The following PTPRT variants were observed in gnomAD, a reference collection of about 807,000 sequenced individuals.
PTPRT encodes the protein protein tyrosine phosphatase receptor type T.
In PTPRT, 56 loss-of-function variants were observed where a neutral mutation model predicts 176.8. The observed-to-expected ratio is 0.32, with a 90% CI of 0.26 to 0.40. The LOEUF is 0.40. PTPRT is among the 10% of genes least tolerant of loss of function. The pLI is 1.00. For missense variants in PTPRT, 1,540 were observed against 1,908.2 expected (o/e 0.81, Z 3.60); for synonymous variants, 783 against 739.0 (o/e 1.06, Z -0.96).
chr20:42,767,379 C>T (rs1211121891), intron 5 of PTPRT, among the ~76,000 whole-genome samples: 2 of 152,012 alleles, frequency 1.3e-5, no homozygotes, highest in African/African-American at 4.8e-5. Context: ...TGCCCCTTTG[C>T]CTCCTCCCTG....
chr20:43,092,987 C>T (rs1337575797), intron 1 of PTPRT, among the ~76,000 whole-genome samples: 1 of 152,164 alleles, frequency 6.6e-6, no homozygotes, highest in Admixed American at 6.5e-5. Context: ...ACAATGATTA[C>T]ACTGTACATT....
In PTPRT at chr20:42,288,214, C is replaced by T. The variant is rs559878266; in HGVS notation, c.2140-5689G>A. Among the ~76,000 whole-genome samples the T allele has an allele frequency of 2.0e-5, 3 of 152,090 alleles. No homozygotes were observed. In the South Asian group the frequency reaches 6.2e-4, roughly 32 times the overall value. On this transcript the variant is annotated intron_variant, in intron 12 of 30. Coordinates refer to ENST00000373187, the MANE Select transcript of PTPRT (RefSeq NM_007050.6). ...CCCAGATCAAAACACTCAACATTGC[C>T]AGCACCTCAGAAGTTTCCCTCATGC...
intron 1 of PTPRT, among the ~76,000 whole-genome samples, chr20:42,892,546 T>G (rs1253035058): frequency 6.6e-6 from 1 of 152,084 alleles, no homozygotes; most frequent in African/African-American, 2.4e-5. Flanking sequence ...TGCCTTTACT[T>G]GCCCTCCGTG....
chr20:42,744,744 C>CCCT (rs1397558207), intron 6 of PTPRT, among the ~76,000 whole-genome samples: 1 of 152,222 alleles, frequency 6.6e-6, no homozygotes, highest in East Asian at 1.9e-4. Flanking sequence ...TTTGACTCTC[C>CCCT]CCTCACCTTG....
chr20:42,931,074 T>A (rs966005610), intron 1 of PTPRT, among the ~76,000 whole-genome samples: 1 of 152,106 alleles, frequency 6.6e-6, no homozygotes, highest in African/African-American at 2.4e-5. Context: ...TAACTTTGGG[T>A]GCCAAGCTCT....
intron 1 of PTPRT, among the ~76,000 whole-genome samples, chr20:43,070,062 A>C (rs890461982): frequency 6.6e-6 from 1 of 152,160 alleles, no homozygotes; most frequent in African/African-American, 2.4e-5. Flanking sequence ...AATCTGACCT[A>C]CAGATGTATT....
chr20:42,788,381 A>ACT (rs1377150004), intron 3 of PTPRT, among the ~76,000 whole-genome samples: 4 of 151,730 alleles, frequency 2.6e-5, no homozygotes, highest in Admixed American at 2.6e-4. Context: ...CCAAGAATTT[A>ACT]CTCTCTCTTT....
chr20:42,389,282 A>G (rs1465095045), intron 9 of PTPRT, among the ~76,000 whole-genome samples: 12 of 152,166 alleles, frequency 7.9e-5, no homozygotes, highest in Admixed American at 6.5e-5. Context: ...TAAAAAAAAA[A>G]AGAAACGTGA....
chr20:42,366,330 C>T (rs2058513599), intron 9 of PTPRT, among the ~76,000 whole-genome samples: 1 of 152,218 alleles, frequency 6.6e-6, no homozygotes, highest in Non-Finnish European at 1.5e-5. Flanking sequence ...TTTCCAACTC[C>T]TCCCAGACCC....
At chr20:42,042,082 C>A in the PTPRT span, among the ~76,000 whole-genome samples, 1 of 152,188 alleles carries the variant, frequency 6.6e-6, no homozygotes, top group African/African-American at 2.4e-5. Flanking sequence ...CCCATGGCTT[C>A]ATCCAGCTAT....
At chr20:42,532,906 G>A (rs1568955999) in intron 7 of PTPRT, among the ~76,000 whole-genome samples, 1 of 152,086 alleles carries the variant, frequency 6.6e-6, no homozygotes, top group African/African-American at 2.4e-5. Context: ...CAATAAAGAT[G>A]CCCCACTGAG....
In PTPRT at chr20:42,932,323, T is replaced by C. The variant is rs571801077; in HGVS notation, c.89-46391A>G. ...ACTTCTCAAGGGGGCATGTGCCTGG[T>C]CTAGACCAAGAGATCAGGGTCTGGC... On this transcript the variant is annotated intron_variant, in intron 1 of 30. Transcript: ENST00000373187. 2.6e-5 allele frequency among the ~76,000 whole-genome samples: 4 copies of C among 152,338 alleles called. No homozygotes were observed. The South Asian group carries it at 8.3e-4, about 32-fold the overall frequency.
In PTPRT at chr20:42,489,241, C is replaced by T. The variant is rs77064760; in HGVS notation, c.1154-16679G>A. Among the ~76,000 whole-genome samples the T allele has an allele frequency of 5.1e-3, 781 of 152,128 alleles. 8 individuals are homozygous for T. The highest frequency in any genetic ancestry group is 0.038 in the Middle Eastern group (11 of 292). The stretch of plus-strand genomic sequence containing the variant: ...AAATCTGTTCTCAAATATTCCACGT[C>T]CCCCTTGTTCCAGGCACATGGTCAG... On this transcript the variant is annotated intron_variant, in intron 7 of 30. Transcript: ENST00000373187.
chr20:42,247,429 T>C (rs906437238), intron 14 of PTPRT, among the ~76,000 whole-genome samples: 1 of 152,248 alleles, frequency 6.6e-6, no homozygotes, highest in Non-Finnish European at 1.5e-5. Flanking sequence ...CTTCATTTTA[T>C]ATTCATGTGG....
chr20:42,546,756 G>A (rs774500958), intron 7 of PTPRT, among the ~76,000 whole-genome samples: 12 of 151,836 alleles, frequency 7.9e-5, no homozygotes, highest in Non-Finnish European at 1.5e-4. Context: ...TTTTTGTTTC[G>A]GGGAATATGG....
intron 7 of PTPRT, among the ~76,000 whole-genome samples, chr20:42,605,947 A>G (rs1056490637): frequency 1.3e-5 from 2 of 152,214 alleles, no homozygotes; most frequent in African/African-American, 4.8e-5. Flanking sequence ...CATGAGCCTG[A>G]TGGAGGCATG....
chr20:42,767,668 TATAA>T (rs888538267), intron 5 of PTPRT, among the ~76,000 whole-genome samples: 32 of 147,424 alleles, frequency 2.2e-4, no homozygotes, highest in African/African-American at 4.9e-4. Context: ...TATACTTACA[TATAA>T]ATATTTTCCT....
chr20:42,902,389 A>C (rs762461819), intron 1 of PTPRT, among the ~76,000 whole-genome samples: 1 of 151,698 alleles, frequency 6.6e-6, no homozygotes. Context: ...CTTTGACCCC[A>C]CTCCACATCT....
chr20:42,575,831 T>C (rs1172657639), intron 7 of PTPRT, among the ~76,000 whole-genome samples: 1 of 152,110 alleles, frequency 6.6e-6, no homozygotes, highest in Non-Finnish European at 1.5e-5. Context: ...CTCGCCACAC[T>C]AGTCCAGCCA....
Sources: allele counts gnomAD v4.1 joint callset (sites outside exome capture counted in the v4.1 genomes callset), GRCh38; gene constraint gnomAD v4.1.1; transcripts MANE v1.5; gene names NCBI Gene and HGNC (gene_info 2026-07-23, HGNC 2026-07-21).